ZBTB21: variants seen among roughly 807,000 people sequenced by gnomAD.
ZBTB21 encodes the protein zinc finger and BTB domain containing 21, also known as zinc finger and BTB domain-containing protein 21.
Under a neutral mutation model 39.8 loss-of-function variants are expected in ZBTB21, and 10 were observed. The ratio of observed to expected loss-of-function variants is 0.25; its 90% confidence interval spans 0.16 to 0.43. ZBTB21 has a LOEUF of 0.43. ZBTB21 is among the 20% of genes least tolerant of loss of function. The pLI is 1.00. For synonymous variants in ZBTB21, 551 were observed against 498.8 expected (o/e 1.10, Z -1.40); for missense variants, 1,221 against 1,296.3 (o/e 0.94, Z 0.89).
intron 2 of ZBTB21, among the ~76,000 whole-genome samples, chr21:41,997,912 C>T (rs759797149): frequency 4.6e-5 from 7 of 152,020 alleles, no homozygotes; most frequent in Non-Finnish European, 7.4e-5. Context: ...GTTAGCCTCT[C>T]GGTGTGGCAG....
rs1366481576 is a variant in ZBTB21 at position 41,993,946 on chromosome 21, G to T, written c.150C>A (p.Ala50=). Residue 50 remains alanine, a synonymous_variant, in exon 3 of 3, where the codon GCC becomes GCA. Transcript: ENST00000310826. The part of the protein sequence containing the change: ...KFRAHKNVLA[A]SSEYFQSLFT... ...ATAAACTCTGAAAGTATTCGCTGCT[G>T]GCAGCCAAGACGTTTTTATGAGCTC... 6.2e-7 allele frequency: 1 copy of T among 1,614,238 alleles called. No individual in the cohort carries two copies. The highest frequency in any genetic ancestry group is 8.5e-7 in the Non-Finnish European group (1 of 1,180,048).
chr21:42,002,714 T>A (rs1323734089), intron 2 of ZBTB21, among the ~76,000 whole-genome samples, 183 bp downstream of exon 2: 1 of 152,166 alleles, frequency 6.6e-6, no homozygotes, highest in East Asian at 1.9e-4. Flanking sequence ...TTTCCACGGC[T>A]CATCTCCACC....
Position 42,010,250 on chromosome 21 carries a change from A to G in ZBTB21, c.-79+2T>C, listed in dbSNP as rs1031316593. ...AGAGCTAGGGGCGTGACAGTTACTC[A>G]CCGGTCTTCAGTCTCGAGGCAGACG... On this transcript the variant is annotated splice_donor_variant, in intron 1 of 2. Transcript: ENST00000310826. LOFTEE classifies it low-confidence loss of function (5UTR_SPLICE). 7.5e-6 allele frequency: 3 copies of G among 398,022 alleles called. No homozygotes were observed. Among genetic ancestry groups the G allele is most frequent in the African/African-American group, 6.2e-5 (3 of 48,594 alleles). 24.7% of individuals were successfully genotyped at this position (398,022 alleles called of 1,614,324 possible).
At position 41,992,580 on chromosome 21, in the gene ZBTB21, C is replaced by G; in HGVS notation, c.1516G>C (p.Val506Leu). Residue 506 changes from valine to leucine, a missense_variant, in exon 3 of 3, where the codon GTG (valine) becomes CTG (leucine). By Grantham distance (32) the Val-to-Leu change is conservative. This residue lies in a region of ZBTB21 where 500 missense variants were observed against 465.6 expected (regional missense o/e 1.07). Coordinates refer to ENST00000310826, the MANE Select transcript of ZBTB21 (RefSeq NM_001098402.2). This position sits in a 1 kb window ranked among gnomAD's most constrained non-coding sequence, Gnocchi z 4.1. ...KLKVNEHGSP[V>L]SEDNFEEGSS... ...CCTTCCTCAAAATTATCTTCTGACA[C>G]AGGAGACCCGTGCTCATTCACCTTT... 1 of 1,614,210 alleles carries G rather than the reference C, an allele frequency of 6.2e-7. No homozygotes were observed. Among genetic ancestry groups the G allele is most frequent in the Non-Finnish European group, 8.5e-7 (1 of 1,180,024 alleles).
At position 41,993,745 on chromosome 21, in the gene ZBTB21, G is replaced by A. The variant is rs776567253; in HGVS notation, c.351C>T (p.Ile117=). 3.1e-6 allele frequency: 5 copies of A among 1,614,028 alleles called. No individual in the cohort carries two copies. Among genetic ancestry groups the A allele is most frequent in the African/African-American group, 2.7e-5 (2 of 74,928 alleles). Residue 117 remains isoleucine, a synonymous_variant, in exon 3 of 3, where the codon ATC becomes ATT. Coordinates refer to ENST00000310826, the MANE Select transcript of ZBTB21 (RefSeq NM_001098402.2). ...AGGGGGCTTGAGGTGTTTTAGAAAC[G>A]ATGTTAGTCAGAAAGGAAATCCCAA... The part of the protein sequence containing the change: ...YSLGISFLTN[I]VSKTPQAPFP...
At chr21:42,008,326 T>G (rs2065905277) in intron 1 of ZBTB21, among the ~76,000 whole-genome samples, 1 of 94,782 alleles carries the variant, frequency 1.1e-5, no homozygotes, top group African/African-American at 4.5e-5. Context: ...GTCAACAGGA[T>G]GAAACCCCGT....
intron 2 of ZBTB21, among the ~76,000 whole-genome samples, chr21:41,998,098 T>C (rs758342006): frequency 1.2e-4 from 18 of 152,168 alleles, no homozygotes; most frequent in Non-Finnish European, 2.4e-4. Context: ...ATACTCTCGA[T>C]GCAGACAAAG....
Position 41,992,160 on chromosome 21 carries a change from A to G in ZBTB21, c.1936T>C (p.Phe646Leu). 1.2e-6 allele frequency: 2 copies of G among 1,614,184 alleles called. No individual in the cohort carries two copies. The highest frequency in any genetic ancestry group is 1.7e-6 in the Non-Finnish European group (2 of 1,180,034). Reference sequence around the variant, plus strand: ...GCTTGGGAGCTACTCTGTCCCTGAAAACCAGGCTTGCCGCGCCTTAACTTA... The same window carrying G: ...GCTTGGGAGCTACTCTGTCCCTGAAGACCAGGCTTGCCGCGCCTTAACTTA... ...IIKLRRGKPG[F>L]QGQSSSQAQQ... Residue 646 changes from phenylalanine to leucine, a missense_variant, in exon 3 of 3, where the codon TTT (phenylalanine) becomes CTT (leucine). Physicochemically the swap from Phe to Leu is conservative, Grantham distance 22 (BLOSUM62 0). This residue lies in a region of ZBTB21 where 523 missense variants were observed against 542.5 expected (regional missense o/e 0.96). Coordinates refer to ENST00000310826, the MANE Select transcript of ZBTB21 (RefSeq NM_001098402.2). The surrounding 1 kb of genome is among the most constrained non-coding windows in gnomAD (Gnocchi z 4.1).
At chr21:41,999,926 C>A (rs2065797943) in intron 2 of ZBTB21, among the ~76,000 whole-genome samples, 1 of 152,190 alleles carries the variant, frequency 6.6e-6, no homozygotes, top group Non-Finnish European at 1.5e-5. Context: ...AGAGGAATGA[C>A]AAAGACCTGA....
chr21:41,997,568 G>A lies in ZBTB21; in HGVS notation c.-13-3460C>T, dbSNP rs1202124543. On this transcript the variant is annotated intron_variant, in intron 2 of 2. Coordinates refer to ENST00000310826, the MANE Select transcript of ZBTB21 (RefSeq NM_001098402.2). ...TCCAGCCTGGTTGACAGAGCAAGAC[G>A]TTGTCTCAAAAAAAAAAAAAACAAA... Among the ~76,000 whole-genome samples, 4 of 134,210 alleles carry A rather than the reference G, an allele frequency of 3.0e-5. No individual in the cohort carries two copies. In the East Asian group the frequency reaches 6.0e-4, roughly 20 times the overall value. The allele number at this position is 134,210 out of a possible 152,430, so 88.0% of individuals were successfully genotyped here.
chr21:41,992,279 G>C lies in ZBTB21; in HGVS notation c.1817C>G (p.Pro606Arg). 1 of 1,614,188 alleles carries C rather than the reference G, an allele frequency of 6.2e-7. No homozygotes were observed. The highest frequency in any genetic ancestry group is 2.2e-5 in the East Asian group (1 of 44,874). The change falls in exon 3 of 3, where the codon CCA (proline) becomes CGA (arginine). Residue 606 changes from proline (P) to arginine (R), a missense_variant. By Grantham distance (103) the Pro-to-Arg change is moderately radical (BLOSUM62 -2). Coordinates refer to ENST00000310826, the MANE Select transcript of ZBTB21 (RefSeq NM_001098402.2). The surrounding 1 kb of genome is among the most constrained non-coding windows in gnomAD (Gnocchi z 4.1). ...CAAAACAGCATGTGAACTAGAGGCT[G>C]GTGATGGGTTCTTCACTATGCCGTG... Reference protein sequence around the residue: ...TQHGIVKNPSPASSSHAVLDE... With the variant: ...TQHGIVKNPSRASSSHAVLDE...
At position 42,003,838 on chromosome 21, in the gene ZBTB21, T is replaced by C. The variant is rs147424318; in HGVS notation, c.-78-877A>G. ...CTTTTCAGAAATGCTCATCTGGCCT[T>C]GCTGGGGCTTAAAACCTTCCAAGGG... On this transcript the variant is annotated intron_variant, in intron 1 of 2. Coordinates refer to ENST00000310826, the MANE Select transcript of ZBTB21 (RefSeq NM_001098402.2). Among the ~76,000 whole-genome samples, 69 of 152,214 alleles carry C rather than the reference T, an allele frequency of 4.5e-4. 2 individuals carry two copies. The highest frequency in any genetic ancestry group is 3.6e-3 in the Admixed American group (55 of 15,290).
chr21:42,006,568 C>T (rs1024192493), intron 1 of ZBTB21, among the ~76,000 whole-genome samples: 1 of 152,146 alleles, frequency 6.6e-6, no homozygotes, highest in African/African-American at 2.4e-5. Context: ...CTAGAACTCA[C>T]CTAAACCCCT....
At chr21:41,996,441 C>A (rs2065748014) in intron 2 of ZBTB21, among the ~76,000 whole-genome samples, 1 of 152,126 alleles carries the variant, frequency 6.6e-6, no homozygotes, top group Non-Finnish European at 1.5e-5. Flanking sequence ...TGCACCGGGG[C>A]CTGTAAGCCT....
In ZBTB21 at chr21:42,006,894, A is replaced by G. The variant is rs148236095; in HGVS notation, c.-79+3358T>C. Among the ~76,000 whole-genome samples the G allele has an allele frequency of 2.5e-3, 378 of 152,338 alleles. 4 individuals are homozygous for G. Among genetic ancestry groups the G allele is most frequent in the African/African-American group, 8.7e-3 (362 of 41,576 alleles). On this transcript the variant is annotated intron_variant, in intron 1 of 2. Coordinates refer to ENST00000310826, the MANE Select transcript of ZBTB21 (RefSeq NM_001098402.2). The stretch of plus-strand genomic sequence containing the variant: ...AAGTAGGGACAAGAAGATGCCATCT[A>G]TAAGCCAAAGAGAAGCCTCAGAAGA...
In ZBTB21 at chr21:41,987,060, TTTTTC is replaced by T. The variant is rs2065587903; in HGVS notation, c.*3830_*3834del. The T allele has an allele frequency of 6.6e-6, 1 of 152,644 alleles. No homozygotes were observed. Among genetic ancestry groups the T allele is most frequent in the South Asian group, 2.1e-4 (1 of 4,834 alleles). The allele number at this position is 152,644 out of a possible 1,614,324, so 9.5% of individuals were successfully genotyped here. ...ATACACAGAATTATAAAACCATTCG[TTTTTC>T]TTTTAACCATAAGCATATATTCAAT... On this transcript the variant is annotated 3_prime_UTR_variant, in exon 3 of 3. Transcript: ENST00000310826.
intron 2 of ZBTB21, among the ~76,000 whole-genome samples, chr21:42,001,214 C>CA (rs1191947729): frequency 2.6e-5 from 4 of 152,296 alleles, no homozygotes; most frequent in African/African-American, 9.6e-5. Context: ...CCCTACACGA[C>CA]ACTGCCTCTA....
In ZBTB21 at chr21:41,987,892, C is replaced by T. The variant is rs908268929; in HGVS notation, c.*3003G>A. 2.6e-5 allele frequency: 4 copies of T among 152,320 alleles called. No homozygotes were observed. Among genetic ancestry groups the T allele is most frequent in the Admixed American group, 6.5e-5 (1 of 15,304 alleles). The allele number at this position is 152,320 out of a possible 1,614,324, so 9.4% of individuals were successfully genotyped here. On this transcript the variant is annotated 3_prime_UTR_variant, in exon 3 of 3. Coordinates refer to ENST00000310826, the MANE Select transcript of ZBTB21 (RefSeq NM_001098402.2). ...TTCACAGCAGCTACTCTCATTAGCA[C>T]CAATGGGACTACATATGGATTCAAA...
chr21:41,995,559 T>A (rs990907847), intron 2 of ZBTB21, among the ~76,000 whole-genome samples: 18 of 152,298 alleles, frequency 1.2e-4, no homozygotes, highest in South Asian at 6.2e-4. Context: ...AAGTAGAGAA[T>A]AAAAGCTTGG....
Sources: gnomAD v4.1 joint callset for allele counts (sites outside exome capture counted in the v4.1 genomes callset) on GRCh38, gnomAD v4.1.1 for gene constraint, gnomAD v4.1.1 regional missense constraint, Gnocchi (gnomAD v3.1) non-coding constraint, MANE v1.5 for transcripts, NCBI Gene and HGNC (gene_info 2026-07-23, HGNC 2026-07-21) for gene names.